SLC23A1: variants seen among roughly 807,000 people sequenced by gnomAD.
SLC23A1 encodes the protein Na(+)/L-ascorbic acid transporter 1.
Under a neutral mutation model 62.5 loss-of-function variants are expected in SLC23A1, and 31 were observed. The observed-to-expected ratio is 0.50, with a 90% confidence interval of 0.37 to 0.67. The LOEUF (loss-of-function observed/expected upper bound fraction) is 0.67, where lower values mean the gene tolerates loss of function less well. Among genes scored for constraint, SLC23A1 ranks in the 30% least tolerant of loss-of-function variants. SLC23A1 has a pLI of 0.00. For missense variants in SLC23A1, 640 were observed against 782.7 expected, an observed-to-expected ratio of 0.82 and a Z score of 2.18; for synonymous variants, 271 against 313.2, an observed-to-expected ratio of 0.87 and a Z score of 1.42.
Position 139,378,164 on chromosome 5 carries a change from C to G in SLC23A1, c.1310-46G>C, listed in dbSNP as rs768577380. The stretch of plus-strand genomic sequence containing the variant: ...CTGGAGGCGCCGCACACGCGTAATC[C>G]AGGTGAGTCCCACTCGGCGACCCGC... On this transcript the variant is annotated intron_variant, in intron 11 of 14. Transcript: ENST00000348729. This position sits in a 1 kb window ranked among gnomAD's most constrained non-coding sequence, Gnocchi z 4.5. 3.1e-6 allele frequency: 5 copies of G among 1,613,548 alleles called. No homozygotes were observed. In the South Asian group the frequency reaches 5.5e-5, roughly 18 times the overall value.
rs899685755 is a variant in SLC23A1 at position 139,367,530 on chromosome 5, T to C, written c.*121A>G. 6.6e-6 allele frequency: 1 copy of C among 152,034 alleles called. No individual in the cohort carries two copies. Among genetic ancestry groups the C allele is most frequent in the African/African-American group, 2.4e-5 (1 of 41,390 alleles). 9.4% of individuals were successfully genotyped at this position (152,034 alleles called of 1,614,324 possible). On this transcript the variant is annotated 3_prime_UTR_variant, in exon 15 of 15. Coordinates refer to ENST00000348729, the MANE Select transcript of SLC23A1 (RefSeq NM_005847.5). Reference sequence around the variant, plus strand: ...TTGAATCCCAGAGAAAGGTGACTTATCTGAGTTTACACAGAAGTTAGTTAG... The same window carrying C: ...TTGAATCCCAGAGAAAGGTGACTTACCTGAGTTTACACAGAAGTTAGTTAG...
upstream of SLC23A1, among the ~76,000 whole-genome samples, chr5:139,385,485 C>A (rs1043339094): frequency 1.3e-5 from 2 of 151,448 alleles, no homozygotes; most frequent in Non-Finnish European, 3.0e-5. Flanking sequence ...CCCAGTGAGA[C>A]GTGTGTTCTC....
chr5:139,372,265 T>C lies in SLC23A1; in HGVS notation c.1550-12A>G. 6.2e-7 allele frequency: 1 copy of C among 1,607,388 alleles called. No homozygotes were observed. The highest frequency in any genetic ancestry group is 8.5e-7 in the Non-Finnish European group (1 of 1,175,802). On this transcript the variant is annotated splice_polypyrimidine_tract_variant and intron_variant, in intron 13 of 14. Coordinates refer to ENST00000348729, the MANE Select transcript of SLC23A1 (RefSeq NM_005847.5). ...CTCCTCTGGGCTCCCTGGAAGAGGA[T>C]AGTGAGGTCATTTACCAAGGCCAGC...
intron 14 of SLC23A1, chr5:139,368,932 A>T (rs1275169776): frequency 3.2e-6 from 2 of 632,594 alleles, no homozygotes; most frequent in Non-Finnish European, 5.6e-6. Flanking sequence ...TTAGTCTTGC[A>T]TGCTTAATAA....
chr5:139,383,237 T>C lies in SLC23A1; in HGVS notation c.17A>G (p.Asp6Gly). The C allele has an allele frequency of 7.4e-7, 1 of 1,354,112 alleles. No homozygotes were observed. Among genetic ancestry groups the C allele is most frequent in the Non-Finnish European group, 9.7e-7 (1 of 1,028,138 alleles). 83.9% of individuals were successfully genotyped at this position (1,354,112 alleles called of 1,614,324 possible). Reference sequence around the variant, plus strand: ...CAGCACCTGTGTCCGGCCCTCGAGGTCCTCCTGGGCCCTCATCTTTGGGGC... The same window carrying C: ...CAGCACCTGTGTCCGGCCCTCGAGGCCCTCCTGGGCCCTCATCTTTGGGGC... MRAQEDLEGRTQHETT... is the reference protein window; with the variant it reads MRAQEGLEGRTQHETT... Residue 6 changes from aspartate to glycine, a missense_variant, in exon 1 of 15, where the codon GAC becomes GGC. Coordinates refer to ENST00000348729, the MANE Select transcript of SLC23A1 (RefSeq NM_005847.5).
chr5:139,384,574 G>A, upstream of SLC23A1: 3 of 1,281,998 alleles, frequency 2.3e-6, no homozygotes, highest in Non-Finnish European at 3.0e-6. Flanking sequence ...CAACTCCCCA[G>A]CACTTTTCTC....
Position 139,381,922 on chromosome 5 carries a change from G to C in SLC23A1, c.278C>G (p.Thr93Ser). 1 of 1,573,020 alleles carries C rather than the reference G, an allele frequency of 6.4e-7. No homozygotes were observed. The highest frequency in any genetic ancestry group is 8.6e-7 in the Non-Finnish European group (1 of 1,160,446). ...IGTIFTCVGI[T>S]TLIQTTVGIR... Reference sequence around the variant, plus strand: ...GCCCACGGTGGTCTGGATGAGAGTGGTGATGCCCACGCACGTGAAGATGGT... The same window carrying C: ...GCCCACGGTGGTCTGGATGAGAGTGCTGATGCCCACGCACGTGAAGATGGT... The change falls in exon 3 of 15, where the codon ACC becomes AGC. Residue 93 changes from threonine (T) to serine (S), a missense_variant. Physicochemically the swap from Thr to Ser is moderately conservative, Grantham distance 58. Transcript: ENST00000348729.
chr5:139,378,537 C>T lies in SLC23A1; in HGVS notation c.1179+42G>A, dbSNP rs752569610. The T allele has an allele frequency of 6.7e-6, 10 of 1,497,864 alleles. No homozygotes were observed. The African/African-American group carries it at 1.2e-4, about 19-fold the overall frequency. The allele number at this position is 1,497,864 out of a possible 1,614,324, so 92.8% of individuals were successfully genotyped here. ...CCGAGTTGGGGCGGGGCCTGCGGCC[C>T]ACGGAATTAGGGCAGGATTTGGCTC... On this transcript the variant is annotated intron_variant, in intron 10 of 14. Coordinates refer to ENST00000348729, the MANE Select transcript of SLC23A1 (RefSeq NM_005847.5). The surrounding 1 kb of genome is among the most constrained non-coding windows in gnomAD (Gnocchi z 4.5).
In SLC23A1 at chr5:139,378,718, G is replaced by A; in HGVS notation, c.1074-34C>T. On this transcript the variant is annotated intron_variant, in intron 9 of 14. Coordinates refer to ENST00000348729, the MANE Select transcript of SLC23A1 (RefSeq NM_005847.5). The surrounding 1 kb of genome is among the most constrained non-coding windows in gnomAD (Gnocchi z 4.5). ...AAAGGGAGAGTCGGGGCTTGGTCCAGCCTCTGCACCAGTCTGTGTTCCCCC... is the reference window on the plus strand; with the variant it reads ...AAAGGGAGAGTCGGGGCTTGGTCCAACCTCTGCACCAGTCTGTGTTCCCCC... 1 of 1,468,066 alleles carries A rather than the reference G, an allele frequency of 6.8e-7. No homozygotes were observed. The highest frequency in any genetic ancestry group is 1.2e-5 in the South Asian group (1 of 83,490). The allele number at this position is 1,468,066 out of a possible 1,614,324, so 90.9% of individuals were successfully genotyped here. A position where few individuals can be genotyped will look rare whatever the true frequency, so the allele number is the denominator to read the frequency against.
chr5:139,372,862 C>T (rs186915372), intron 13 of SLC23A1, among the ~76,000 whole-genome samples: 6 of 152,122 alleles, frequency 3.9e-5, no homozygotes, highest in East Asian at 1.9e-4. Flanking sequence ...GGATTATAAG[C>T]GTGAGCCACT....
Position 139,379,119 on chromosome 5 carries a change from C to T in SLC23A1, c.1073+88G>A. Reference sequence around the variant, plus strand: ...GAGCGTGTTCCCGACTTGCCTAAGCCTACCCCCTGGGCCTCCACCCCGTTC... The same window carrying T: ...GAGCGTGTTCCCGACTTGCCTAAGCTTACCCCCTGGGCCTCCACCCCGTTC... On this transcript the variant is annotated intron_variant, in intron 9 of 14. Coordinates refer to ENST00000348729, the MANE Select transcript of SLC23A1 (RefSeq NM_005847.5). The surrounding 1 kb of genome is among the most constrained non-coding windows in gnomAD (Gnocchi z 4.7). The T allele has an allele frequency of 7.1e-7, 1 of 1,412,376 alleles. No individual in the cohort carries two copies. Among genetic ancestry groups the T allele is most frequent in the Non-Finnish European group, 9.9e-7 (1 of 1,009,562 alleles). The allele number at this position is 1,412,376 out of a possible 1,614,324, so 87.5% of individuals were successfully genotyped here.
upstream of SLC23A1, among the ~76,000 whole-genome samples, chr5:139,383,828 T>C (rs1304098039): frequency 2.0e-5 from 3 of 152,226 alleles, no homozygotes; most frequent in Admixed American, 6.5e-5. Context: ...GCCATGCAGA[T>C]AGCAAGTTTG....
intron 13 of SLC23A1, among the ~76,000 whole-genome samples, chr5:139,374,815 A>ACAGATGCCTACC (rs1424249846): frequency 1.3e-5 from 2 of 152,148 alleles, no homozygotes; most frequent in Non-Finnish European, 2.9e-5. Context: ...CTCTTCATGT[A>ACAGATGCCTACC]CAGATGCCTA....
chr5:139,372,152 C>T lies in SLC23A1; in HGVS notation c.1651G>A (p.Gly551Ser). The part of the protein sequence containing the change: ...LKSYDFPIGM[G>S]IVKRITFLKY... Reference sequence around the variant, plus strand: ...AGAAAGGTAATTCTTTTTACTATGCCCATCCCAATGGGGAAATCGTAGCTC... The same window carrying T: ...AGAAAGGTAATTCTTTTTACTATGCTCATCCCAATGGGGAAATCGTAGCTC... The change falls in exon 14 of 15, where the codon GGC becomes AGC. Residue 551 changes from glycine to serine, a missense_variant. Physicochemically the swap from Gly to Ser is moderately conservative, Grantham distance 56. Transcript: ENST00000348729. 6.2e-7 allele frequency: 1 copy of T among 1,613,484 alleles called. No individual in the cohort carries two copies. Among genetic ancestry groups the T allele is most frequent in the Non-Finnish European group, 8.5e-7 (1 of 1,179,416 alleles).
chr5:139,378,303 G>C lies in SLC23A1; in HGVS notation c.1228C>G (p.Leu410Val). 6.3e-7 allele frequency: 1 copy of C among 1,592,318 alleles called. No homozygotes were observed. Among genetic ancestry groups the C allele is most frequent in the Admixed American group, 1.8e-5 (1 of 56,732 alleles). Residue 410 changes from leucine (L) to valine (V), a missense_variant, in exon 11 of 15, where the codon CTG (leucine) becomes GTG (valine). Transcript: ENST00000348729. This position sits in a 1 kb window ranked among gnomAD's most constrained non-coding sequence, Gnocchi z 4.5. ...GCCGTGAACTTGCCGATGGTGCCCAGGACCAGCATGATAGCCGCACCATAC... is the reference window on the plus strand; with the variant it reads ...GCCGTGAACTTGCCGATGGTGCCCACGACCAGCATGATAGCCGCACCATAC... ...VQYGAAIMLV[L>V]GTIGKFTALF...
chr5:139,378,168 T>C lies in SLC23A1; in HGVS notation c.1310-50A>G. 1 of 1,613,346 alleles carries C rather than the reference T, an allele frequency of 6.2e-7. No individual in the cohort carries two copies. Among genetic ancestry groups the C allele is most frequent in the Non-Finnish European group, 8.5e-7 (1 of 1,179,702 alleles). On this transcript the variant is annotated intron_variant, in intron 11 of 14. Transcript: ENST00000348729. The surrounding 1 kb of genome is among the most constrained non-coding windows in gnomAD (Gnocchi z 4.5). ...AGGCGCCGCACACGCGTAATCCAGG[T>C]GAGTCCCACTCGGCGACCCGCACCG...
chr5:139,382,800 G>T (rs919185340), intron 1 of SLC23A1, among the ~76,000 whole-genome samples, 195 bp from the exon 2 acceptor site: 4 of 152,192 alleles, frequency 2.6e-5, no homozygotes, highest in African/African-American at 9.6e-5. Flanking sequence ...ATTGCTTCCC[G>T]CAGGGATGAG....
chr5:139,368,841 ACT>A lies in SLC23A1; in HGVS notation c.*20-1212_*20-1211del, dbSNP rs774202459. On this transcript the variant is annotated intron_variant, in intron 14 of 14. Coordinates refer to ENST00000348729, the MANE Select transcript of SLC23A1 (RefSeq NM_005847.5). ...TTGGTGGATGTAGCACAATTTCCAC[ACT>A]GTGAAGGCAGTATTAGAAGACTTAA... 4 of 1,357,160 alleles carry A rather than the reference ACT, an allele frequency of 2.9e-6. No individual in the cohort carries two copies. In the South Asian group the frequency reaches 4.7e-5, roughly 16 times the overall value. 84.1% of individuals were successfully genotyped at this position (1,357,160 alleles called of 1,614,324 possible).
intron 13 of SLC23A1, among the ~76,000 whole-genome samples, chr5:139,374,407 A>G (rs1028864874): frequency 3.3e-5 from 5 of 152,252 alleles, no homozygotes; most frequent in African/African-American, 1.2e-4. Flanking sequence ...ACTGCACTCC[A>G]GCCTGGGCGA....
Sources: gnomAD v4.1 joint callset for allele counts (sites outside exome capture counted in the v4.1 genomes callset) on GRCh38, gnomAD v4.1.1 for gene constraint, Gnocchi (gnomAD v3.1) non-coding constraint, MANE v1.5 for transcripts, NCBI Gene and HGNC (gene_info 2026-07-23, HGNC 2026-07-21) for gene names.